Variants in CCDC18 observed in about 807,000 individuals in gnomAD.
CCDC18 encodes coiled-coil domain-containing protein 18.
A neutral mutation model predicts 196.0 loss-of-function variants in CCDC18; 157 were observed. That is an observed-to-expected ratio of 0.80 (90% CI 0.70 to 0.91). The LOEUF is 0.91. Ranked by LOEUF, CCDC18 falls within the 40% of genes least tolerant of loss-of-function variation. The probability of loss-of-function intolerance (pLI) is 0.00; values close to 1 mark genes in which losing one functional copy is unlikely to be tolerated. For missense variants in CCDC18, 1,465 were observed against 1,611.6 expected (o/e 0.91, Z 1.56); for synonymous variants, 482 against 529.2 (o/e 0.91, Z 1.22).
intron 1 of CCDC18, among the ~76,000 whole-genome samples, chr1:93,181,159 T>TAAAAAAAA (rs71094239): frequency 0.025 from 2,210 of 89,808 alleles, 108 homozygotes; most frequent in Middle Eastern, 0.06. Context: ...TCTATAAAAT[T>TAAAAAAAA]AAAAAAAAAA....
Position 93,204,398 on chromosome 1 carries a change from G to A in CCDC18, c.796-1112G>A, listed in dbSNP as rs144069202. 1.2e-3 allele frequency among the ~76,000 whole-genome samples: 188 copies of A among 152,202 alleles called. 1 individual carries two copies. The highest frequency in any genetic ancestry group is 4.3e-3 in the African/African-American group (178 of 41,544). Reference sequence around the variant, plus strand: ...TGATTTTCATAGCGTAAGGAGGATAGGAGGGATTTTGGAAACTTGGGGTGA... The same window carrying A: ...TGATTTTCATAGCGTAAGGAGGATAAGAGGGATTTTGGAAACTTGGGGTGA... On this transcript the variant is annotated intron_variant, in intron 7 of 28. Transcript: ENST00000690025.
chr1:93,181,733 G>A (rs1205792718), intron 1 of CCDC18, among the ~76,000 whole-genome samples: 1 of 151,982 alleles, frequency 6.6e-6, no homozygotes, highest in Non-Finnish European at 1.5e-5. Context: ...CTCTGCCTCA[G>A]CCTCCCGAGT....
At chr1:93,247,132 C>G (rs1484799719) in intron 23 of CCDC18, among the ~76,000 whole-genome samples, 178 bp downstream of exon 23, 1 of 151,976 alleles carries the variant, frequency 6.6e-6, no homozygotes, top group Non-Finnish European at 1.5e-5. Context: ...GTGATCATAC[C>G]TCACTGCAGC....
chr1:93,228,903 A>C (rs1658820356), intron 17 of CCDC18, among the ~76,000 whole-genome samples: 1 of 152,106 alleles, frequency 6.6e-6, no homozygotes, highest in South Asian at 2.1e-4. Context: ...AGATATTTAC[A>C]CACAAAATAA....
chr1:93,266,083 C>T (rs1188834636), intron 27 of CCDC18, among the ~76,000 whole-genome samples: 2 of 152,162 alleles, frequency 1.3e-5, no homozygotes, highest in Non-Finnish European at 2.9e-5. Flanking sequence ...ATAGAAATCA[C>T]CACAAACTGT....
intron 19 of CCDC18, among the ~76,000 whole-genome samples, chr1:93,238,489 AG>A (rs978538616): frequency 6.6e-6 from 1 of 152,248 alleles, no homozygotes; most frequent in Admixed American, 6.5e-5. Flanking sequence ...AATTTGTTGA[AG>A]TTTTATCTAG....
At chr1:93,255,644 G>A (rs959609229) in intron 24 of CCDC18, among the ~76,000 whole-genome samples, 3 of 152,132 alleles carry the variant, frequency 2.0e-5, no homozygotes, top group Non-Finnish European at 4.4e-5. Flanking sequence ...GCTGAGATGG[G>A]AGGATTGCTT....
chr1:93,264,478 T>C (rs1664229475), intron 26 of CCDC18, among the ~76,000 whole-genome samples: 1 of 152,196 alleles, frequency 6.6e-6, no homozygotes, highest in Admixed American at 6.5e-5. Flanking sequence ...ATAGAGTCCA[T>C]TGCATTTGGT....
At chr1:93,257,891 T>C (rs1663223719) in intron 25 of CCDC18, among the ~76,000 whole-genome samples, 1 of 151,946 alleles carries the variant, frequency 6.6e-6, no homozygotes, top group East Asian at 1.9e-4. Context: ...TCCTTTGATG[T>C]AGGGCCAAAC....
At chr1:93,217,353 A>C (rs1656672132) in intron 13 of CCDC18, among the ~76,000 whole-genome samples, 1 of 152,204 alleles carries the variant, frequency 6.6e-6, no homozygotes, top group African/African-American at 2.4e-5. Flanking sequence ...CATTTTGTTA[A>C]AGTTTGAAGT....
At chr1:93,220,847 T>C (rs1420418523) in intron 14 of CCDC18, among the ~76,000 whole-genome samples, 1 of 152,218 alleles carries the variant, frequency 6.6e-6, no homozygotes, top group Middle Eastern at 3.2e-3. Context: ...GTTCTCATCA[T>C]TCAGCTCCCA....
At chr1:93,234,073 A>T (rs1659654222) in intron 18 of CCDC18, among the ~76,000 whole-genome samples, 2 of 151,826 alleles carry the variant, frequency 1.3e-5, no homozygotes, top group Non-Finnish European at 2.9e-5. Context: ...TGCAGGATTG[A>T]TTATGATTCT....
intron 4 of CCDC18, chr1:93,190,876 G>T: frequency 1.4e-6 from 1 of 729,964 alleles, no homozygotes; most frequent in Non-Finnish European, 2.5e-6. Flanking sequence ...CTTCTTTGTA[G>T]TTTCAGCCTT....
intron 7 of CCDC18, among the ~76,000 whole-genome samples, chr1:93,203,504 G>C (rs1654192977): frequency 6.6e-6 from 1 of 152,134 alleles, no homozygotes; most frequent in Non-Finnish European, 1.5e-5. Context: ...CAAGATGAAA[G>C]ATACCCTGGG....
At chr1:93,235,596 T>C (rs778104760) in intron 18 of CCDC18, among the ~76,000 whole-genome samples, 89 of 151,878 alleles carry the variant, frequency 5.9e-4, no homozygotes, top group Non-Finnish European at 6.6e-4. Flanking sequence ...GGGTAGTAGG[T>C]AGAGGGAGGT....
intron 4 of CCDC18, 71 bp from the exon 5 acceptor site, chr1:93,191,929 G>A (rs1651882503): frequency 9.4e-7 from 1 of 1,062,054 alleles, no homozygotes; most frequent in Non-Finnish European, 1.4e-6. Context: ...CATCTGACAG[G>A]AAAAAAACTA....
chr1:93,248,009 C>CTTTTTTTTTTTTTTT (rs71586785), intron 23 of CCDC18, among the ~76,000 whole-genome samples: 1 of 69,778 alleles, frequency 1.4e-5, no homozygotes, highest in East Asian at 4.0e-4. Context: ...TATTTTCCTT[C>CTTTTTTTTTTTTTTT]TTTTTTTTTT....
chr1:93,207,544 A>G (rs1553168510), intron 9 of CCDC18, 146 bp downstream of exon 9: 4 of 611,130 alleles, frequency 6.5e-6, no homozygotes, highest in Middle Eastern at 4.5e-4. Context: ...CTAAATCTCT[A>G]TTTTTTTTCC....
intron 14 of CCDC18, among the ~76,000 whole-genome samples, chr1:93,220,564 G>A (rs1257882077): frequency 2.6e-5 from 4 of 152,108 alleles, no homozygotes; most frequent in African/African-American, 9.7e-5. Context: ...ATGTGACAAC[G>A]ACAGTGTAAA....
Sources: allele counts gnomAD v4.1 joint callset (sites outside exome capture counted in the v4.1 genomes callset), GRCh38; gene constraint gnomAD v4.1.1; transcripts MANE v1.5; gene names NCBI Gene and HGNC (gene_info 2026-07-23, HGNC 2026-07-21).